The following FAM227B variants were observed in gnomAD, a reference collection of about 807,000 sequenced individuals.
FAM227B encodes protein FAM227B.
Under a neutral mutation model 73.8 loss-of-function variants are expected in FAM227B, and 88 were observed. The ratio of observed to expected loss-of-function variants is 1.19; its 90% CI spans 1.00 to 1.42. The LOEUF (loss-of-function observed/expected upper bound fraction) is 1.42, where lower values mean the gene tolerates loss of function less well. Among genes scored for constraint, FAM227B ranks in the 40% most tolerant of loss-of-function variants. The pLI is 0.00. For missense variants in FAM227B, 632 were observed against 590.9 expected, an observed-to-expected ratio of 1.07 and a Z score of -0.72; for synonymous variants, 210 against 190.5, an observed-to-expected ratio of 1.10 and a Z score of -0.84.
chr15:49,352,822 C>T (rs973056938), intron 13 of FAM227B, among the ~76,000 whole-genome samples: 1 of 152,134 alleles, frequency 6.6e-6, no homozygotes, highest in South Asian at 2.1e-4. Context: ...TCTTGCAAAG[C>T]CTGCCTCAAA....
intron 11 of FAM227B, chr15:49,486,310 C>G (rs2056397732): frequency 6.6e-6 from 1 of 152,000 alleles, no homozygotes; most frequent in Non-Finnish European, 1.5e-5. Flanking sequence ...TGCCCTTCCT[C>G]AGATATACTC....
intron 11 of FAM227B, among the ~76,000 whole-genome samples, chr15:49,398,031 CAATTA>C (rs1483246382): frequency 1.3e-5 from 2 of 152,072 alleles, no homozygotes; most frequent in African/African-American, 4.8e-5. Context: ...CTAAATGCTC[CAATTA>C]AAAGACACAG....
At chr15:49,582,149 A>C (rs1408001063) in intron 5 of FAM227B, among the ~76,000 whole-genome samples, 1 of 152,238 alleles carries the variant, frequency 6.6e-6, no homozygotes, top group East Asian at 1.9e-4. Flanking sequence ...TTGAATGTAA[A>C]TGGGGGCTAA....
intron 4 of FAM227B, 88 bp from the exon 5 acceptor site, chr15:49,588,171 T>C (rs955207392): frequency 6.6e-5 from 51 of 770,202 alleles, no homozygotes; most frequent in Non-Finnish European, 8.8e-5. Context: ...TTTAAACAAA[T>C]TATATACAAA....
At chr15:49,407,358 A>G (rs76062760) in intron 11 of FAM227B, among the ~76,000 whole-genome samples, 2 of 152,192 alleles carry the variant, frequency 1.3e-5, no homozygotes, top group East Asian at 3.9e-4. Context: ...CTGGTGCACC[A>G]TAGCCCAGGG....
chr15:49,526,014 G>A (rs2060178484), intron 10 of FAM227B, among the ~76,000 whole-genome samples: 1 of 151,732 alleles, frequency 6.6e-6, no homozygotes, highest in Admixed American at 6.6e-5. Flanking sequence ...AATCAAGAAA[G>A]GAACTCTGGA....
At chr15:49,396,673 A>C (rs868377807) in intron 11 of FAM227B, among the ~76,000 whole-genome samples, 2 of 151,712 alleles carry the variant, frequency 1.3e-5, no homozygotes, top group Admixed American at 6.6e-5. Flanking sequence ...CTGCCTCCTC[A>C]AGTGGGTCCC....
intron 10 of FAM227B, among the ~76,000 whole-genome samples, chr15:49,534,892 A>G (rs565233093): frequency 3.9e-5 from 6 of 151,956 alleles, no homozygotes; most frequent in African/African-American, 1.2e-4. Context: ...AAATCGGAAC[A>G]AAGGAAAATG....
intron 11 of FAM227B, chr15:49,395,937 C>G: frequency 2.2e-6 from 1 of 455,888 alleles, no homozygotes; most frequent in South Asian, 1.5e-5. Flanking sequence ...ATGCCATGTC[C>G]AAAGAACAGA....
chr15:49,437,506 T>C (rs1178919739), intron 11 of FAM227B, among the ~76,000 whole-genome samples: 2 of 151,648 alleles, frequency 1.3e-5, no homozygotes, highest in African/African-American at 4.8e-5. Context: ...ATATCTGGAA[T>C]TCTATTTTAA....
intron 11 of FAM227B, among the ~76,000 whole-genome samples, chr15:49,457,059 C>G (rs2053365385): frequency 1.3e-5 from 2 of 152,020 alleles, no homozygotes; most frequent in Non-Finnish European, 2.9e-5. Flanking sequence ...ATCATTTTTA[C>G]TACTACACCA....
intron 5 of FAM227B, among the ~76,000 whole-genome samples, chr15:49,583,820 T>C (rs1345268553): frequency 6.6e-6 from 1 of 152,038 alleles, no homozygotes; most frequent in Non-Finnish European, 1.5e-5. Flanking sequence ...AAAAAGAAAT[T>C]GAATCCCTGA....
intron 11 of FAM227B, among the ~76,000 whole-genome samples, chr15:49,441,527 G>A (rs1380597617): frequency 6.6e-6 from 1 of 151,680 alleles, no homozygotes; most frequent in Non-Finnish European, 1.5e-5. Context: ...AGACCAGGAA[G>A]CATTACAGAC....
At chr15:49,593,280 G>C (rs2076692938) in intron 3 of FAM227B, among the ~76,000 whole-genome samples, 1 of 152,140 alleles carries the variant, frequency 6.6e-6, no homozygotes. Flanking sequence ...TCACACAGGA[G>C]CTGTAGACTG....
chr15:49,486,117 T>C (rs2056384096), intron 11 of FAM227B: 1 of 152,070 alleles, frequency 6.6e-6, no homozygotes, highest in Admixed American at 6.6e-5. Context: ...TTAAAAGGTA[T>C]GCTAACCACT....
chr15:49,617,237 G>A (rs951331368), intron 1 of FAM227B, among the ~76,000 whole-genome samples: 1 of 151,988 alleles, frequency 6.6e-6, no homozygotes, highest in East Asian at 1.9e-4. Flanking sequence ...TTTAAAAAAT[G>A]GAAATCCAAA....
At chr15:49,484,588 C>T in intron 11 of FAM227B, 1 of 654,636 alleles carries the variant, frequency 1.5e-6, no homozygotes, top group Non-Finnish European at 2.4e-6. Flanking sequence ...ATTTTCTTTC[C>T]TTTTATTTTT....
intron 9 of FAM227B, 142 bp downstream of exon 9, chr15:49,568,103 C>T: frequency 1.5e-6 from 1 of 662,788 alleles, no homozygotes; most frequent in Non-Finnish European, 2.5e-6. Context: ...GCATAACTTT[C>T]AAAATATTAC....
At chr15:49,490,566 T>G (rs1040617330) in intron 11 of FAM227B, among the ~76,000 whole-genome samples, 1 of 151,984 alleles carries the variant, frequency 6.6e-6, no homozygotes, top group African/African-American at 2.4e-5. Flanking sequence ...GCACTTAAGT[T>G]GTTTGGCAGA....
Sources: gnomAD v4.1 joint callset for allele counts (sites outside exome capture counted in the v4.1 genomes callset) on GRCh38, gnomAD v4.1.1 for gene constraint, MANE v1.5 for transcripts, NCBI Gene and HGNC (gene_info 2026-07-23, HGNC 2026-07-21) for gene names.